ITGA1: variants seen among roughly 807,000 people sequenced by gnomAD.
ITGA1 encodes integrin subunit alpha 1, also known as integrin alpha-1.
Under a neutral mutation model 145.9 loss-of-function variants are expected in ITGA1, and 85 were observed. That is an observed-to-expected ratio of 0.58 (90% CI 0.49 to 0.70). The LOEUF (loss-of-function observed/expected upper bound fraction) is 0.70. ITGA1 is among the 30% of genes least tolerant of loss of function. The pLI, the probability that ITGA1 is intolerant of heterozygous loss-of-function variation, is 0.00. For synonymous variants in ITGA1, 520 were observed against 495.3 expected, an observed-to-expected ratio of 1.05 and a Z score of -0.66; for missense variants, 1,351 against 1,418.7, an observed-to-expected ratio of 0.95 and a Z score of 0.77.
chr5:52,924,977 C>T (rs941068756), intron 18 of ITGA1, among the ~76,000 whole-genome samples: 1 of 152,168 alleles, frequency 6.6e-6, no homozygotes, highest in Non-Finnish European at 1.5e-5. Context: ...TCTTGCAGTA[C>T]TTGACTTTGT....
At chr5:52,792,747 C>T (rs1416435984) in intron 1 of ITGA1, among the ~76,000 whole-genome samples, 2 of 152,148 alleles carry the variant, frequency 1.3e-5, no homozygotes, top group Non-Finnish European at 2.9e-5. Context: ...TTTACCTACA[C>T]TTCTCTTCTG....
chr5:52,864,891 G>A (rs1228310005), intron 4 of ITGA1, 40 bp downstream of exon 4: 1 of 1,537,976 alleles, frequency 6.5e-7, no homozygotes, highest in Non-Finnish European at 9.0e-7. Flanking sequence ...CAACAGATAT[G>A]CTATCATTTT....
At chr5:52,933,802 TG>T in intron 22 of ITGA1, 91 bp from the exon 23 acceptor site, 1 of 505,890 alleles carries the variant, frequency 2.0e-6, no homozygotes. Flanking sequence ...AGTATTTTTG[TG>T]GAATTACATG....
chr5:52,864,156 T>A (rs1333537153), intron 3 of ITGA1: 1 of 152,238 alleles, frequency 6.6e-6, no homozygotes, highest in Non-Finnish European at 1.5e-5. Context: ...CTTGCCAATA[T>A]TGTTAGGCTG....
chr5:52,908,817 G>A (rs1278797333), intron 12 of ITGA1, 81 bp from the exon 13 acceptor site: 2 of 1,492,254 alleles, frequency 1.3e-6, no homozygotes, highest in Non-Finnish European at 1.8e-6. Flanking sequence ...TAGATTGCTA[G>A]AAGTAAAACA....
intron 11 of ITGA1, chr5:52,904,412 A>T (rs1750364428): frequency 6.6e-6 from 1 of 152,206 alleles, no homozygotes; most frequent in Non-Finnish European, 1.5e-5. Flanking sequence ...CCAGAGGAGG[A>T]GGTTGCATAG....
chr5:52,796,012 A>G lies in ITGA1; in HGVS notation c.61+7598A>G, dbSNP rs186782475. On this transcript the variant is annotated intron_variant, in intron 1 of 28. Transcript: ENST00000282588. ...CTTAGAAAAATCAGATTTGAAAGATAGCACGCAAAATTGAAAACAAATATG... is the reference window on the plus strand; with the variant it reads ...CTTAGAAAAATCAGATTTGAAAGATGGCACGCAAAATTGAAAACAAATATG... Among the ~76,000 whole-genome samples, 986 of 152,166 alleles carry G rather than the reference A, an allele frequency of 6.5e-3. 9 individuals carry two copies. The highest frequency in any genetic ancestry group is 0.011 in the Non-Finnish European group (767 of 67,868).
intron 7 of ITGA1, among the ~76,000 whole-genome samples, chr5:52,884,928 A>C (rs1320517949): frequency 6.6e-6 from 1 of 152,158 alleles, no homozygotes; most frequent in Non-Finnish European, 1.5e-5. Flanking sequence ...ATTCATTCCA[A>C]TTTAGAGCCA....
At chr5:52,935,766 G>A (rs146032047) in intron 23 of ITGA1, among the ~76,000 whole-genome samples, 96 of 152,146 alleles carry the variant, frequency 6.3e-4, no homozygotes, top group African/African-American at 2.2e-3. Context: ...TACAGACAGG[G>A]TACAAAACTG....
At chr5:52,942,697 ATTTTTTT>A (rs371386724) in intron 26 of ITGA1, among the ~76,000 whole-genome samples, 9 of 137,856 alleles carry the variant, frequency 6.5e-5, no homozygotes, top group Non-Finnish European at 1.2e-4. Flanking sequence ...TGCCCGGCTA[ATTTTTTT>A]TTTTTTTTTT....
chr5:52,927,764 C>G (rs114301503), intron 20 of ITGA1, 100 bp downstream of exon 20: 4 of 772,898 alleles, frequency 5.2e-6, no homozygotes, highest in Non-Finnish European at 8.5e-6. Flanking sequence ...TAGGATAATA[C>G]GGATGAAAAA....
chr5:52,940,961 C>T (rs1359119886), intron 26 of ITGA1, among the ~76,000 whole-genome samples: 1 of 152,112 alleles, frequency 6.6e-6, no homozygotes, highest in African/African-American at 2.4e-5. Flanking sequence ...TCCATGGTGT[C>T]TACTGTTCCC....
intron 12 of ITGA1, among the ~76,000 whole-genome samples, chr5:52,906,833 G>T (rs778594924): frequency 6.6e-6 from 1 of 152,110 alleles, no homozygotes; most frequent in African/African-American, 2.4e-5. Flanking sequence ...GCAGCCCAGC[G>T]CAGCAGTAAA....
At chr5:52,920,548 T>C in intron 17 of ITGA1, 80 bp downstream of exon 17, 1 of 1,145,812 alleles carries the variant, frequency 8.7e-7, no homozygotes, top group Non-Finnish European at 1.2e-6. Flanking sequence ...TCAATCAAAT[T>C]CTTACTGTTT....
intron 1 of ITGA1, among the ~76,000 whole-genome samples, chr5:52,825,691 A>G (rs1748949477): frequency 6.6e-6 from 1 of 152,144 alleles, no homozygotes; most frequent in African/African-American, 2.4e-5. Context: ...AGGCCAACAC[A>G]GGCAGATCAC....
chr5:52,870,004 TG>T (rs1196557054), intron 6 of ITGA1, among the ~76,000 whole-genome samples: 2 of 152,210 alleles, frequency 1.3e-5, no homozygotes, highest in African/African-American at 4.8e-5. Context: ...CATCTTTCAG[TG>T]GATTCAGAAA....
In ITGA1 at chr5:52,887,903, C is replaced by G. The variant is rs761827631; in HGVS notation, c.862C>G (p.His288Asp). The change falls in exon 8 of 29, where the codon CAT (histidine) becomes GAT (aspartate). Residue 288 changes from histidine to aspartate, a missense_variant. His to Asp is a moderately conservative substitution (Grantham distance 81). Transcript: ENST00000282588. The part of the protein sequence containing the change: ...IVTDGESHDN[H>D]RLKKVIQDCE... ...GACAGATGGAGAGTCTCATGACAAT[C>G]ATCGACTGAAGAAGGTCATCCAAGA... 2 of 1,614,072 alleles carry G rather than the reference C, an allele frequency of 1.2e-6. No homozygotes were observed. The highest frequency in any genetic ancestry group is 1.7e-6 in the Non-Finnish European group (2 of 1,179,918).
At chr5:52,792,265 A>G (rs1394422415) in intron 1 of ITGA1, among the ~76,000 whole-genome samples, 6 of 152,176 alleles carry the variant, frequency 3.9e-5, no homozygotes, top group Non-Finnish European at 7.4e-5. Context: ...AGGAGATGGG[A>G]GATGGCTGAA....
intron 1 of ITGA1, chr5:52,800,940 G>C (rs1456916355): frequency 6.2e-7 from 1 of 1,614,092 alleles, no homozygotes; most frequent in African/African-American, 1.3e-5. Flanking sequence ...ACCGGGCCTT[G>C]GAGCGGTTCT....
Sources: gnomAD v4.1 joint callset for allele counts (sites outside exome capture counted in the v4.1 genomes callset) on GRCh38, gnomAD v4.1.1 for gene constraint, MANE v1.5 for transcripts, NCBI Gene and HGNC (gene_info 2026-07-23, HGNC 2026-07-21) for gene names.